Variants in DNAJC8 observed in about 807,000 individuals in gnomAD.
DNAJC8 encodes the protein dnaJ homolog subfamily C member 8.
Under a neutral mutation model 43.2 loss-of-function variants are expected in DNAJC8, and 24 were observed. That is an observed-to-expected ratio of 0.56 (90% CI 0.40 to 0.78). The LOEUF (loss-of-function observed/expected upper bound fraction) is 0.78, where lower values mean the gene tolerates loss of function less well. Among genes scored for constraint, DNAJC8 ranks in the 30% least tolerant of loss-of-function variants. The probability of loss-of-function intolerance (pLI) is 0.00; values close to 1 mark genes in which losing one functional copy is unlikely to be tolerated. For synonymous variants in DNAJC8, 83 were observed against 98.0 expected (o/e 0.85, Z 0.90); for missense variants, 207 against 299.4 (o/e 0.69, Z 2.28).
intron 8 of DNAJC8, among the ~76,000 whole-genome samples, chr1:28,202,849 TG>T (rs1186090432): frequency 6.6e-6 from 1 of 152,214 alleles, no homozygotes; most frequent in Non-Finnish European, 1.5e-5. Context: ...CCCAAAGTGC[TG>T]GGATTACAGG....
intron 2 of DNAJC8, among the ~76,000 whole-genome samples, chr1:28,216,782 C>CT (rs1207673989): frequency 4.7e-5 from 7 of 148,068 alleles, no homozygotes; most frequent in Non-Finnish European, 1.0e-4. Flanking sequence ...TTATTACAGG[C>CT]TTTTTTTGTG....
chr1:28,222,815 T>C (rs1646907896), intron 2 of DNAJC8, among the ~76,000 whole-genome samples: 1 of 150,464 alleles, frequency 6.6e-6, no homozygotes, highest in Non-Finnish European at 1.5e-5. Flanking sequence ...CCTAACATGG[T>C]GTACAAAGAA....
chr1:28,212,250 C>T (rs1646819729), intron 3 of DNAJC8, among the ~76,000 whole-genome samples: 2 of 107,084 alleles, frequency 1.9e-5, no homozygotes, highest in South Asian at 3.5e-4. Context: ...ATGGTGGATA[C>T]ATGAATATTC....
At chr1:28,228,651 T>C (rs1646953986) in intron 2 of DNAJC8, among the ~76,000 whole-genome samples, 1 of 152,200 alleles carries the variant, frequency 6.6e-6, no homozygotes, top group Non-Finnish European at 1.5e-5. Context: ...TTCTGAATTT[T>C]CTAATTTGGG....
chr1:28,225,722 T>G (rs1646929642), intron 2 of DNAJC8, among the ~76,000 whole-genome samples: 1 of 150,016 alleles, frequency 6.7e-6, no homozygotes, highest in Admixed American at 6.7e-5. Context: ...TTTTTTTTTT[T>G]GAGACAGTCT....
intron 2 of DNAJC8, among the ~76,000 whole-genome samples, chr1:28,223,794 G>C (rs1646915300): frequency 6.6e-6 from 1 of 151,982 alleles, no homozygotes; most frequent in Admixed American, 6.6e-5. Flanking sequence ...AATAAATCCT[G>C]TGGGGTTGGA....
intron 2 of DNAJC8, among the ~76,000 whole-genome samples, chr1:28,225,829 A>C (rs1419621951): frequency 6.7e-6 from 1 of 150,150 alleles, no homozygotes; most frequent in East Asian, 1.9e-4. Flanking sequence ...TAGCCTCCCA[A>C]GTAGCTGAGA....
chr1:28,202,218 ACT>A (rs1646738800), intron 8 of DNAJC8, among the ~76,000 whole-genome samples: 2 of 152,168 alleles, frequency 1.3e-5, no homozygotes, highest in African/African-American at 4.8e-5. Context: ...TCATCACAAC[ACT>A]GAGGCCCCAT....
intron 2 of DNAJC8, among the ~76,000 whole-genome samples, chr1:28,228,713 A>T (rs1646954343): frequency 6.6e-6 from 1 of 152,222 alleles, no homozygotes; most frequent in Non-Finnish European, 1.5e-5. Context: ...CAAAATCCCA[A>T]AAAAATCCAA....
intron 8 of DNAJC8, among the ~76,000 whole-genome samples, chr1:28,202,955 C>A (rs1423396467): frequency 6.6e-6 from 1 of 152,136 alleles, no homozygotes; most frequent in Non-Finnish European, 1.5e-5. Context: ...ACAAATAACA[C>A]TGAGGCTCAA....
intron 1 of DNAJC8, among the ~76,000 whole-genome samples, chr1:28,231,716 T>C (rs993497028): frequency 7.1e-6 from 1 of 140,428 alleles, no homozygotes; most frequent in Admixed American, 6.7e-5. Flanking sequence ...AACTCCGCCT[T>C]AGGAAAAAAA....
At chr1:28,210,325 G>GA (rs998157280) in intron 4 of DNAJC8, 22 of 554,184 alleles carry the variant, frequency 4.0e-5, no homozygotes, top group South Asian at 1.7e-4. Flanking sequence ...TATGTTCAAA[G>GA]AAAAAAAATG....
Position 28,232,902 on chromosome 1 carries a change from C to G in DNAJC8, c.78+19G>C. On this transcript the variant is annotated intron_variant, in intron 1 of 8. Coordinates refer to ENST00000263697, the MANE Select transcript of DNAJC8 (RefSeq NM_014280.3). ...GGGAGCGGTCGCCCCGGTGCCACTA[C>G]TCCTCACTCTGTGTTCACCTCACTG... 6.2e-7 allele frequency: 1 copy of G among 1,612,004 alleles called. No individual in the cohort carries two copies. The highest frequency in any genetic ancestry group is 8.5e-7 in the Non-Finnish European group (1 of 1,179,782).
intron 2 of DNAJC8, among the ~76,000 whole-genome samples, chr1:28,219,403 G>A (rs1646883752): frequency 6.6e-6 from 1 of 152,188 alleles, no homozygotes; most frequent in African/African-American, 2.4e-5. Flanking sequence ...CAGCTACTCA[G>A]GAAGCTGAGG....
chr1:28,209,330 GCAGCTCTTA>G (rs1329855647), intron 5 of DNAJC8, among the ~76,000 whole-genome samples: 1 of 152,170 alleles, frequency 6.6e-6, no homozygotes, highest in Non-Finnish European at 1.5e-5. Context: ...CACAATTGAA[GCAGCTCTTA>G]CAAATGACCT....
At chr1:28,220,275 C>A (rs1396818753) in intron 2 of DNAJC8, among the ~76,000 whole-genome samples, 1 of 152,204 alleles carries the variant, frequency 6.6e-6, no homozygotes, top group Non-Finnish European at 1.5e-5. Context: ...AGGTGCCACA[C>A]GTGGCATGGT....
intron 5 of DNAJC8, among the ~76,000 whole-genome samples, chr1:28,209,417 T>C (rs1202729832): frequency 6.6e-6 from 1 of 152,180 alleles, no homozygotes; most frequent in Non-Finnish European, 1.5e-5. Context: ...CATACTGACA[T>C]TTCCCACCAC....
At chr1:28,204,641 A>G (rs150879178) in intron 7 of DNAJC8, among the ~76,000 whole-genome samples, 1 of 152,314 alleles carries the variant, frequency 6.6e-6, no homozygotes, top group African/African-American at 2.4e-5. Context: ...TAGCCCCACA[A>G]AAGGTTCTGG....
chr1:28,202,052 C>T (rs951761160), intron 8 of DNAJC8, among the ~76,000 whole-genome samples: 21 of 151,448 alleles, frequency 1.4e-4, no homozygotes, highest in African/African-American at 5.1e-4. Context: ...ATCACGCCAT[C>T]GCACTCCAGC....
Sources: gnomAD v4.1 joint callset for allele counts (sites outside exome capture counted in the v4.1 genomes callset) on GRCh38, gnomAD v4.1.1 for gene constraint, MANE v1.5 for transcripts, NCBI Gene and HGNC (gene_info 2026-07-23, HGNC 2026-07-21) for gene names.